ABHD2: variants seen among roughly 807,000 people sequenced by gnomAD.
The protein encoded by ABHD2 is monoacylglycerol lipase ABHD2.
A neutral mutation model predicts 48.1 loss-of-function variants in ABHD2; 20 were observed. The observed-to-expected ratio is 0.42, with a 90% CI of 0.29 to 0.60. The LOEUF is 0.60. ABHD2 is among the 20% of genes least tolerant of loss of function. The pLI is 0.24. For synonymous variants in ABHD2, 209 were observed against 214.2 expected, an observed-to-expected ratio of 0.98 and a Z score of 0.21; for missense variants, 405 against 550.9, an observed-to-expected ratio of 0.74 and a Z score of 2.65.
Position 89,182,299 on chromosome 15 carries a change from T to C in ABHD2, c.723-3125T>C, listed in dbSNP as rs961886689. ...AAACCTACCCTCCTTCCAGCAAGATTCACTCTGAATTTTGCAAAGCCATTC... is the reference window on the plus strand; with the variant it reads ...AAACCTACCCTCCTTCCAGCAAGATCCACTCTGAATTTTGCAAAGCCATTC... On this transcript the variant is annotated intron_variant, in intron 6 of 10. Transcript: ENST00000352732. This position sits in a 1 kb window ranked among gnomAD's most constrained non-coding sequence, Gnocchi z 4.8. Among the ~76,000 whole-genome samples the C allele has an allele frequency of 3.3e-5, 5 of 152,182 alleles. No homozygotes were observed. Among genetic ancestry groups the C allele is most frequent in the African/African-American group, 1.2e-4 (5 of 41,446 alleles).
Position 89,188,353 on chromosome 15 carries a change from A to G in ABHD2, c.926+50A>G, listed in dbSNP as rs1400178707. 6.6e-7 allele frequency: 1 copy of G among 1,523,424 alleles called. No individual in the cohort carries two copies. The highest frequency in any genetic ancestry group is 1.4e-5 in the African/African-American group (1 of 73,040). The allele number at this position is 1,523,424 out of a possible 1,614,324, so 94.4% of individuals were successfully genotyped here. A position where few individuals can be genotyped will look rare whatever the true frequency, so the allele number is the denominator to read the frequency against. On this transcript the variant is annotated intron_variant, in intron 8 of 10. Coordinates refer to ENST00000352732, the MANE Select transcript of ABHD2 (RefSeq NM_152924.5). The surrounding 1 kb of genome is among the most constrained non-coding windows in gnomAD (Gnocchi z 4.1). ...GACGCTCTGGGGCAGGGTGCCAGGC[A>G]GGAGGCTGCAGGTCAGCTGTGCCCA... is the stretch of plus-strand genomic sequence containing the variant.
intron 3 of ABHD2, among the ~76,000 whole-genome samples, chr15:89,147,900 T>C (rs917749670): frequency 8.6e-4 from 130 of 151,334 alleles, no homozygotes; most frequent in African/African-American, 3.1e-3. Flanking sequence ...GCTGATCACC[T>C]GAGGCCAGGA....
chr15:89,104,825 C>T lies in ABHD2; in HGVS notation c.-106-8900C>T, dbSNP rs1288668229. 1.3e-5 allele frequency among the ~76,000 whole-genome samples: 2 copies of T among 152,188 alleles called. No individual in the cohort carries two copies. Among genetic ancestry groups the T allele is most frequent in the African/African-American group, 4.8e-5 (2 of 41,464 alleles). ...GGTGGCATCTCTATGGTGCCCAGGACAATCAATCTGGAGATGCCCTCTTCT... is the reference window on the plus strand; with the variant it reads ...GGTGGCATCTCTATGGTGCCCAGGATAATCAATCTGGAGATGCCCTCTTCT... On this transcript the variant is annotated intron_variant, in intron 1 of 10. Coordinates refer to ENST00000352732, the MANE Select transcript of ABHD2 (RefSeq NM_152924.5). This position sits in a 1 kb window ranked among gnomAD's most constrained non-coding sequence, Gnocchi z 4.4.
intron 9 of ABHD2, among the ~76,000 whole-genome samples, chr15:89,192,509 C>CT (rs767470768): frequency 0.012 from 1,745 of 141,464 alleles, 11 homozygotes; most frequent in African/African-American, 0.03. Context: ...TTTTTCTTTT[C>CT]TTTTTTTTTT....
chr15:89,200,397 G>T lies in ABHD2; in HGVS notation c.*4974G>T, dbSNP rs1378376589. 6.6e-6 allele frequency: 1 copy of T among 151,738 alleles called. No homozygotes were observed. Among genetic ancestry groups the T allele is most frequent in the Non-Finnish European group, 1.5e-5 (1 of 67,960 alleles). 9.4% of individuals were successfully genotyped at this position (151,738 alleles called of 1,614,324 possible). On this transcript the variant is annotated 3_prime_UTR_variant, in exon 11 of 11. Coordinates refer to ENST00000352732, the MANE Select transcript of ABHD2 (RefSeq NM_152924.5). Reference sequence around the variant, plus strand: ...CACCTCACTTCCCAGACAGTTGGGCGGCCAGGCAAGCGCTCCTCACTTCCC... The same window carrying T: ...CACCTCACTTCCCAGACAGTTGGGCTGCCAGGCAAGCGCTCCTCACTTCCC...
intron 5 of ABHD2, among the ~76,000 whole-genome samples, chr15:89,163,094 T>G (rs2050787046): frequency 6.6e-6 from 1 of 152,224 alleles, no homozygotes; most frequent in Non-Finnish European, 1.5e-5. Flanking sequence ...TGAATACCCT[T>G]TGGGCTTTTT....
At chr15:89,161,133 T>C (rs2050756051) in intron 5 of ABHD2, among the ~76,000 whole-genome samples, 1 of 152,222 alleles carries the variant, frequency 6.6e-6, no homozygotes, top group Non-Finnish European at 1.5e-5. Flanking sequence ...GCCAGTGGCT[T>C]AGCTCTCCGG....
intron 3 of ABHD2, among the ~76,000 whole-genome samples, chr15:89,139,298 G>C (rs2050366051): frequency 6.6e-6 from 1 of 152,126 alleles, no homozygotes; most frequent in African/African-American, 2.4e-5. Flanking sequence ...TCTCCTCTCT[G>C]AGATCTTGGT....
the ABHD2 span, among the ~76,000 whole-genome samples, chr15:89,050,398 C>G: frequency 2.0e-5 from 3 of 152,166 alleles, no homozygotes; most frequent in Non-Finnish European, 4.4e-5. Context: ...AGATTCCAGA[C>G]CCAGAGAACA....
the ABHD2 span, among the ~76,000 whole-genome samples, chr15:89,071,455 G>C: frequency 6.6e-6 from 1 of 152,144 alleles, no homozygotes; most frequent in African/African-American, 2.4e-5. Flanking sequence ...TTTTATTTGG[G>C]GCTTACATAC....
chr15:89,045,897 C>T, the ABHD2 span, among the ~76,000 whole-genome samples: 1 of 152,186 alleles, frequency 6.6e-6, no homozygotes, highest in African/African-American at 2.4e-5. Flanking sequence ...TTTCCTTCTC[C>T]TGCCTGATTG....
At chr15:89,147,333 T>C (rs1403760046) in intron 3 of ABHD2, among the ~76,000 whole-genome samples, 1 of 151,002 alleles carries the variant, frequency 6.6e-6, no homozygotes, top group Non-Finnish European at 1.5e-5. Flanking sequence ...ATGTTTATAA[T>C]TGGGTATTGC....
intron 3 of ABHD2, among the ~76,000 whole-genome samples, chr15:89,118,997 A>T (rs2050005772): frequency 6.6e-6 from 1 of 152,030 alleles, no homozygotes; most frequent in Non-Finnish European, 1.5e-5. Flanking sequence ...GGCTGTGTTT[A>T]GAAAATTAGC....
intron 5 of ABHD2, among the ~76,000 whole-genome samples, chr15:89,157,441 G>T (rs113676798): frequency 1.3e-5 from 2 of 152,148 alleles, no homozygotes; most frequent in African/African-American, 4.8e-5. Context: ...GCCAAGCAGG[G>T]TGTTGGGTGC....
intron 3 of ABHD2, among the ~76,000 whole-genome samples, chr15:89,140,228 A>C (rs528502975): frequency 1.4e-4 from 22 of 152,310 alleles, no homozygotes; most frequent in African/African-American, 5.1e-4. Context: ...CTCAAGCTCT[A>C]CTGAAAGACC....
At chr15:89,061,155 G>C in the ABHD2 span, among the ~76,000 whole-genome samples, 1 of 152,082 alleles carries the variant, frequency 6.6e-6, no homozygotes, top group Non-Finnish European at 1.5e-5. Context: ...GGTGGCTCAC[G>C]CCTTGTAATC....
At position 89,201,611 on chromosome 15, in the gene ABHD2, G is replaced by C; in HGVS notation, c.*6188G>C. The C allele has an allele frequency of 6.3e-7, 1 of 1,593,970 alleles. No homozygotes were observed. The highest frequency in any genetic ancestry group is 8.6e-7 in the Non-Finnish European group (1 of 1,161,690). ...TTGACCCTGGGTCAATAATTCCACTGTTGGGCCTCACACAGTACCGGTGAG... is the reference window on the plus strand; with the variant it reads ...TTGACCCTGGGTCAATAATTCCACTCTTGGGCCTCACACAGTACCGGTGAG... On this transcript the variant is annotated 3_prime_UTR_variant, in exon 11 of 11. Coordinates refer to ENST00000352732, the MANE Select transcript of ABHD2 (RefSeq NM_152924.5).
chr15:89,068,752 C>CAGTTTTTT, the ABHD2 span, among the ~76,000 whole-genome samples: 41 of 85,164 alleles, frequency 4.8e-4, 1 homozygote, highest in African/African-American at 1.3e-3. Flanking sequence ...GGCAAGCTTC[C>CAGTTTTTT]TCTTTTTTTT....
the ABHD2 span, among the ~76,000 whole-genome samples, chr15:89,049,940 C>T: frequency 6.6e-6 from 1 of 152,152 alleles, no homozygotes; most frequent in African/African-American, 2.4e-5. Flanking sequence ...TTCTATTCCT[C>T]CAAATGTGCA....
Sources: allele counts gnomAD v4.1 joint callset (sites outside exome capture counted in the v4.1 genomes callset), GRCh38; gene constraint gnomAD v4.1.1; non-coding constraint Gnocchi (gnomAD v3.1); transcripts MANE v1.5; gene names NCBI Gene and HGNC (gene_info 2026-07-23, HGNC 2026-07-21).